AUTS2: variants seen among roughly 807,000 people sequenced by gnomAD.
The protein encoded by AUTS2 is autism susceptibility gene 2 protein.
In AUTS2, 17 loss-of-function variants were observed where a neutral mutation model predicts 112.4. The ratio of observed to expected loss-of-function variants is 0.15; its 90% CI spans 0.10 to 0.23. The LOEUF (loss-of-function observed/expected upper bound fraction) is 0.23, where lower values mean the gene tolerates loss of function less well. AUTS2 is among the 10% of genes least tolerant of loss of function. The pLI, the probability that AUTS2 is intolerant of heterozygous loss-of-function variation, is 1.00. For synonymous variants in AUTS2, 751 were observed against 702.7 expected, an observed-to-expected ratio of 1.07 and a Z score of -1.09; for missense variants, 1,510 against 1,701.6, an observed-to-expected ratio of 0.89 and a Z score of 1.98.
intron 5 of AUTS2, among the ~76,000 whole-genome samples, chr7:70,528,102 T>TTTA (rs1554421898): frequency 2.9e-5 from 3 of 103,174 alleles, no homozygotes; most frequent in African/African-American, 8.5e-5. Context: ...GATTTTTTTT[T>TTTA]TTTTTTTTTT....
intron 4 of AUTS2, among the ~76,000 whole-genome samples, chr7:70,405,046 A>C (rs1157335073): frequency 6.6e-6 from 1 of 152,182 alleles, no homozygotes; most frequent in East Asian, 1.9e-4. Context: ...GGGAAATGCA[A>C]ATATAAGCTC....
At chr7:70,716,216 T>C (rs1810355089) in intron 6 of AUTS2, among the ~76,000 whole-genome samples, 1 of 152,218 alleles carries the variant, frequency 6.6e-6, no homozygotes, top group Non-Finnish European at 1.5e-5. Context: ...GTCTATTACC[T>C]GTGAGAACAC....
Position 70,790,346 on chromosome 7 carries a change from C to G in AUTS2, c.3130C>G (p.Arg1044Gly). The G allele has an allele frequency of 6.2e-7, 1 of 1,613,856 alleles. No homozygotes were observed. Among genetic ancestry groups the G allele is most frequent in the African/African-American group, 1.3e-5 (1 of 75,056 alleles). The part of the protein sequence containing the change: ...MNSISSLDRT[R>G]MMTPFMGISP... ...CAGCATCAGCAGCCTGGACAGGACT[C>G]GCATGATGACCCCCTTCATGGGCAT... The change falls in exon 19 of 19, where the codon CGC becomes GGC. Residue 1044 changes from arginine (R) to glycine (G), a missense_variant. Arg to Gly is a moderately radical substitution (Grantham distance 125, BLOSUM62 -2). Coordinates refer to ENST00000342771, the MANE Select transcript of AUTS2 (RefSeq NM_015570.4). This position sits in a 1 kb window ranked among gnomAD's most constrained non-coding sequence, Gnocchi z 7.6.
At chr7:69,953,350 C>G (rs887943320) in intron 2 of AUTS2, among the ~76,000 whole-genome samples, 1 of 152,108 alleles carries the variant, frequency 6.6e-6, no homozygotes, top group Non-Finnish European at 1.5e-5. Flanking sequence ...AATGGAAATC[C>G]ACGTTTCTGA....
chr7:70,721,099 T>TAAG (rs1786630941), intron 6 of AUTS2, among the ~76,000 whole-genome samples: 1 of 151,622 alleles, frequency 6.6e-6, no homozygotes, highest in South Asian at 2.1e-4. Flanking sequence ...ATAATAATAA[T>TAAG]AATAGCACCA....
chr7:70,220,483 G>T (rs911450393), intron 4 of AUTS2, among the ~76,000 whole-genome samples: 7 of 152,296 alleles, frequency 4.6e-5, no homozygotes, highest in African/African-American at 1.7e-4. Context: ...AAGCTAGAAA[G>T]GAACCATAGA....
At chr7:70,010,187 C>G (rs1371183529) in intron 2 of AUTS2, among the ~76,000 whole-genome samples, 1 of 151,782 alleles carries the variant, frequency 6.6e-6, no homozygotes, top group Non-Finnish European at 1.5e-5. Context: ...ATTCTGTTGC[C>G]CAAACTGGAG....
At chr7:70,529,769 G>T (rs575415110) in intron 5 of AUTS2, among the ~76,000 whole-genome samples, 2 of 152,248 alleles carry the variant, frequency 1.3e-5, no homozygotes, top group East Asian at 3.9e-4. Context: ...CCTTCTAGGG[G>T]GTGGGATCAG....
In AUTS2 at chr7:70,634,359, C is replaced by CT. The variant is rs1311852474; in HGVS notation, c.691-64209dup. On this transcript the variant is annotated intron_variant, in intron 5 of 18. Coordinates refer to ENST00000342771, the MANE Select transcript of AUTS2 (RefSeq NM_015570.4). ...CACAAAGAACCTGGGTATAGTGTGC[C>CT]TGGGGCTTTTATCCAGAATGTCGAG... Among the ~76,000 whole-genome samples the CT allele has an allele frequency of 3.3e-5, 5 of 152,328 alleles. No homozygotes were observed. The East Asian group carries it at 9.6e-4, about 29-fold the overall frequency.
intron 4 of AUTS2, among the ~76,000 whole-genome samples, chr7:70,163,035 A>G (rs954330550): frequency 6.6e-6 from 1 of 151,978 alleles, no homozygotes; most frequent in Admixed American, 6.5e-5. Context: ...GCTTTTTTTA[A>G]AAGAGATGAC....
chr7:70,373,788 C>T (rs1276605731), intron 4 of AUTS2, among the ~76,000 whole-genome samples: 1 of 152,142 alleles, frequency 6.6e-6, no homozygotes, highest in Non-Finnish European at 1.5e-5. Flanking sequence ...AGTCCTCCCC[C>T]TGCTAATAAA....
At chr7:70,263,971 A>C (rs1787289653) in intron 4 of AUTS2, among the ~76,000 whole-genome samples, 1 of 152,202 alleles carries the variant, frequency 6.6e-6, no homozygotes, top group Non-Finnish European at 1.5e-5. Flanking sequence ...CCGGGGGGTC[A>C]TGTAATTTAT....
Position 70,729,314 on chromosome 7 carries a change from G to A in AUTS2, c.742+30694G>A, listed in dbSNP as rs1007864286. Reference sequence around the variant, plus strand: ...CCAGTTCCTTCCTGGTCAGGAGCCCGGCAGCCCCAAAGACTGGTAATAGCC... The same window carrying A: ...CCAGTTCCTTCCTGGTCAGGAGCCCAGCAGCCCCAAAGACTGGTAATAGCC... On this transcript the variant is annotated intron_variant, in intron 6 of 18. Coordinates refer to ENST00000342771, the MANE Select transcript of AUTS2 (RefSeq NM_015570.4). 2.4e-4 allele frequency: 93 copies of A among 380,730 alleles called. 1 individual carries two copies. The highest frequency in any genetic ancestry group is 1.2e-3 in the African/African-American group (60 of 48,222). The allele number at this position is 380,730 out of a possible 1,614,324, so 23.6% of individuals were successfully genotyped here.
intron 4 of AUTS2, among the ~76,000 whole-genome samples, chr7:70,192,425 A>G (rs1809951619): frequency 6.6e-6 from 1 of 152,210 alleles, no homozygotes; most frequent in African/African-American, 2.4e-5. Context: ...CGAAAGTTTT[A>G]CGGTTTTCCT....
chr7:70,759,194 A>G lies in AUTS2; in HGVS notation c.743-3676A>G, dbSNP rs377702157. On this transcript the variant is annotated intron_variant, in intron 6 of 18. Transcript: ENST00000342771. ...AGACTTCTGCTTTTTAGGAGGCAGCATAGTATAGATTGGAGAAAAGGCAGT... is the reference window on the plus strand; with the variant it reads ...AGACTTCTGCTTTTTAGGAGGCAGCGTAGTATAGATTGGAGAAAAGGCAGT... 2.7e-4 allele frequency among the ~76,000 whole-genome samples: 41 copies of G among 152,342 alleles called. 1 individual carries two copies. The South Asian group carries it at 7.4e-3, about 28-fold the overall frequency.
chr7:69,775,096 A>G (rs985104508), intron 1 of AUTS2, among the ~76,000 whole-genome samples: 1 of 152,186 alleles, frequency 6.6e-6, no homozygotes, highest in African/African-American at 2.4e-5. Context: ...TGTGAAGAAT[A>G]TTACATGGTA....
chr7:69,869,635 AATGG>A (rs1273630910), intron 1 of AUTS2, among the ~76,000 whole-genome samples: 1 of 152,038 alleles, frequency 6.6e-6, no homozygotes, highest in African/African-American at 2.4e-5. Flanking sequence ...TGGATTAATA[AATGG>A]ATAGCATCCC....
At chr7:69,610,828 A>T (rs1241225789) in intron 1 of AUTS2, among the ~76,000 whole-genome samples, 1 of 152,196 alleles carries the variant, frequency 6.6e-6, no homozygotes, top group Non-Finnish European at 1.5e-5. Context: ...TTGTATCGAG[A>T]CACCCTAGCT....
intron 4 of AUTS2, among the ~76,000 whole-genome samples, chr7:70,307,163 T>C (rs973808833): frequency 2.4e-4 from 37 of 152,340 alleles, no homozygotes; most frequent in Non-Finnish European, 5.4e-4. Flanking sequence ...AACATAATCA[T>C]GTACTTTACG....
Sources: allele counts gnomAD v4.1 joint callset (sites outside exome capture counted in the v4.1 genomes callset), GRCh38; gene constraint gnomAD v4.1.1; non-coding constraint Gnocchi (gnomAD v3.1); transcripts MANE v1.5; gene names NCBI Gene and HGNC (gene_info 2026-07-23, HGNC 2026-07-21).